The following CPT1C variants were observed in gnomAD, a reference collection of about 807,000 sequenced individuals.
The protein encoded by CPT1C is carnitine palmitoyltransferase 1C, also known as palmitoyl thioesterase CPT1C.
A neutral mutation model predicts 97.3 loss-of-function variants in CPT1C; 61 were observed. That is an observed-to-expected ratio of 0.63 (90% CI 0.51 to 0.78). CPT1C has a LOEUF of 0.78. Ranked by LOEUF, CPT1C falls within the 30% of genes least tolerant of loss-of-function variation. The pLI, the probability that CPT1C is intolerant of heterozygous loss-of-function variation, is 0.00. For missense variants in CPT1C, 975 were observed against 1,065.5 expected (o/e 0.92, Z 1.18); for synonymous variants, 469 against 447.2 (o/e 1.05, Z -0.61).
At chr19:49,690,957 G>A (rs1324339984), upstream of CPT1C, 2 of 154,646 alleles carry the variant, frequency 1.3e-5, no homozygotes, top group African/African-American at 2.4e-5. This position sits in a 1 kb window ranked among gnomAD's most constrained non-coding sequence, Gnocchi z 4.4. Context: ...CCGAACAGCT[G>A]CGTAGAATGC....
intron 19 of CPT1C, 143 bp from the exon 20 acceptor site, chr19:49,713,277 C>G: frequency 1.2e-6 from 1 of 831,330 alleles, no homozygotes; most frequent in Non-Finnish European, 1.9e-6. Context: ...AGGCCCCCAG[C>G]CCCTCCTCCC....
At chr19:49,710,688 G>C in intron 15 of CPT1C, 35 bp from the exon 16 acceptor site, 1 of 1,599,940 alleles carries the variant, frequency 6.3e-7, no homozygotes, top group Non-Finnish European at 8.6e-7. Context: ...CCTGAGCCCA[G>C]CTGACAGACT....
At position 49,710,748 on chromosome 19, in the gene CPT1C, A is replaced by G. The variant is rs551493070; in HGVS notation, c.1757A>G (p.Tyr586Cys). The change falls in exon 16 of 20, where the codon TAT becomes TGT. Residue 586 changes from tyrosine (Y) to cysteine (C), a missense_variant. By Grantham distance (194) the Tyr-to-Cys change is radical. Around this residue, in one of 3 missense-constraint regions of CPT1C, gnomAD observed 344 missense variants for 395.7 expected, o/e 0.87. Transcript: ENST00000598293. ...FRDRGQFCLT[Y>C]ESAMTRLFLE... ...GACAGGGGTCAATTCTGCCTGACTT[A>G]TGAGTCGGCCATGACTCGCTTATTC... 1.1e-5 allele frequency: 17 copies of G among 1,613,744 alleles called. No individual in the cohort carries two copies. In the African/African-American group the frequency reaches 1.2e-4, roughly 11 times the overall value.
intron 3 of CPT1C, among the ~76,000 whole-genome samples, chr19:49,695,627 C>A (rs1408782546): frequency 1.4e-5 from 2 of 142,494 alleles, no homozygotes; most frequent in African/African-American, 5.4e-5. Flanking sequence ...AGTCTGTTGC[C>A]AGGCTGGAGT....
At chr19:49,705,424 A>G in intron 10 of CPT1C, 126 bp downstream of exon 10, 2 of 779,790 alleles carry the variant, frequency 2.6e-6, no homozygotes, top group Non-Finnish European at 4.1e-6. Context: ...TCTGCACGTT[A>G]TTACCCTCTC....
chr19:49,706,435 G>A lies in CPT1C; in HGVS notation c.1343+22G>A. On this transcript the variant is annotated intron_variant, in intron 12 of 19. Coordinates refer to ENST00000598293, the MANE Select transcript of CPT1C (RefSeq NM_001199753.2). This position sits in a 1 kb window ranked among gnomAD's most constrained non-coding sequence, Gnocchi z 4.8. ...ATCGGTGAGTGAGTCTTGGGATGGG[G>A]CCCCCAGATGTGGCACCCGAGAATC... The A allele has an allele frequency of 6.9e-7, 1 of 1,441,780 alleles. No homozygotes were observed. The highest frequency in any genetic ancestry group is 9.0e-7 in the Non-Finnish European group (1 of 1,105,108). The allele number at this position is 1,441,780 out of a possible 1,614,324, so 89.3% of individuals were successfully genotyped here. A position where few individuals can be genotyped will look rare whatever the true frequency, so the allele number is the denominator to read the frequency against.
At chr19:49,694,143 T>G (rs1320263110) in intron 3 of CPT1C, among the ~76,000 whole-genome samples, 1 of 151,858 alleles carries the variant, frequency 6.6e-6, no homozygotes, top group Non-Finnish European at 1.5e-5. Context: ...AGAATCCTGC[T>G]TTTATAGAGT....
At chr19:49,701,760 A>C in intron 7 of CPT1C, 126 bp downstream of exon 7, 1 of 1,089,908 alleles carries the variant, frequency 9.2e-7, no homozygotes, top group Non-Finnish European at 1.3e-6. Flanking sequence ...CCAGCCCCCA[A>C]GGGTCAATAC....
intron 3 of CPT1C, among the ~76,000 whole-genome samples, chr19:49,694,872 G>A (rs1252341719): frequency 6.6e-6 from 1 of 152,108 alleles, no homozygotes; most frequent in Non-Finnish European, 1.5e-5. Flanking sequence ...CAGGCATGGT[G>A]GCTCACGCCT....
At position 49,710,613 on chromosome 19, in the gene CPT1C, C is replaced by T. The variant is rs754301523; in HGVS notation, c.1732-110C>T. On this transcript the variant is annotated intron_variant, in intron 15 of 19. Transcript: ENST00000598293. ...GGCCATCTTGAATTCTCTCTTCCAACCATTCTTGGGCTGGCTGGAGGAGGC... is the reference window on the plus strand; with the variant it reads ...GGCCATCTTGAATTCTCTCTTCCAATCATTCTTGGGCTGGCTGGAGGAGGC... 15 of 1,568,830 alleles carry T rather than the reference C, an allele frequency of 9.6e-6. No individual in the cohort carries two copies. In the African/African-American group the frequency reaches 1.6e-4, roughly 17 times the overall value.
chr19:49,704,418 C>T (rs1484113198), intron 7 of CPT1C, among the ~76,000 whole-genome samples: 3 of 152,182 alleles, frequency 2.0e-5, no homozygotes, highest in Admixed American at 6.6e-5. Flanking sequence ...GTGATCCACC[C>T]GCTTAGCCTC....
At chr19:49,702,643 A>AG (rs200611083) in intron 7 of CPT1C, among the ~76,000 whole-genome samples, 18,563 of 151,386 alleles carry the variant, frequency 0.12, 1,434 homozygotes, top group Non-Finnish European at 0.17. Flanking sequence ...GAAAAGAAAA[A>AG]AAAAAAGACA....
rs1989292785 is a variant in CPT1C, at chr19:49,692,384, A to T, written c.132A>T (p.Ser44=). The T allele has an allele frequency of 3.1e-6, 5 of 1,613,430 alleles. No individual in the cohort carries two copies. The African/African-American group carries it at 5.3e-5, about 17-fold the overall frequency. The part of the protein sequence containing the change: ...SGLRSWKRHL[S]RFWNDFLTGV... ...TGCGCTCCTGGAAAAGGCATCTCTCACGTTTCTGGGTGAGGAGCGGTGCTG... is the reference window on the plus strand; with the variant it reads ...TGCGCTCCTGGAAAAGGCATCTCTCTCGTTTCTGGGTGAGGAGCGGTGCTG... Residue 44 remains serine, a synonymous_variant, in exon 3 of 20, where the codon TCA becomes TCT. Coordinates refer to ENST00000598293, the MANE Select transcript of CPT1C (RefSeq NM_001199753.2).
rs12977028 is a variant in CPT1C, at chr19:49,705,685, C to T, written c.965-224C>T. ...TGAAGTGGAAGGATCACCTGAGCCC[C>T]GGAGGTTGAGGCTGCAGTGAGCTGA... On this transcript the variant is annotated intron_variant, in intron 10 of 19. Coordinates refer to ENST00000598293, the MANE Select transcript of CPT1C (RefSeq NM_001199753.2). Among the ~76,000 whole-genome samples the T allele has an allele frequency of 8.2e-4, 124 of 152,058 alleles. No homozygotes were observed. In the East Asian group the frequency reaches 0.017, roughly 21 times the overall value.
chr19:49,694,200 A>G (rs1028113121), intron 3 of CPT1C, among the ~76,000 whole-genome samples: 1 of 152,188 alleles, frequency 6.6e-6, no homozygotes, highest in African/African-American at 2.4e-5. Flanking sequence ...TGAGCAAAAC[A>G]GAAGGCAATA....
rs191643603 is a variant in CPT1C, at chr19:49,698,181, A to G, written c.281+716A>G. Among the ~76,000 whole-genome samples, 743 of 152,142 alleles carry G rather than the reference A, an allele frequency of 4.9e-3. 5 individuals carry two copies. The highest frequency in any genetic ancestry group is 0.017 in the African/African-American group (706 of 41,504). ...GGAGTTTGAGACCAACCTAAGCAAC[A>G]TGGTGAAACCCCGTCTCTACTAAAA... is the stretch of plus-strand genomic sequence containing the variant. On this transcript the variant is annotated intron_variant, in intron 4 of 19. Coordinates refer to ENST00000598293, the MANE Select transcript of CPT1C (RefSeq NM_001199753.2).
chr19:49,692,565 C>T (rs1489696897), intron 3 of CPT1C, among the ~76,000 whole-genome samples, 172 bp downstream of exon 3: 2 of 152,160 alleles, frequency 1.3e-5, no homozygotes, highest in Non-Finnish European at 2.9e-5. Flanking sequence ...CTCCGTGGCT[C>T]ACTTCTGGGA....
At chr19:49,696,954 T>C (rs1264114868) in intron 3 of CPT1C, among the ~76,000 whole-genome samples, 1 of 151,994 alleles carries the variant, frequency 6.6e-6, no homozygotes, top group Non-Finnish European at 1.5e-5. Context: ...CAAGGGATTC[T>C]CCTCCTTGAC....
intron 12 of CPT1C, among the ~76,000 whole-genome samples, chr19:49,707,002 T>C (rs1240556804): frequency 6.6e-6 from 1 of 152,074 alleles, no homozygotes; most frequent in Non-Finnish European, 1.5e-5. Flanking sequence ...AGACTGGGCA[T>C]GGTGGCTCAT....
Sources: gnomAD v4.1 joint callset for allele counts (sites outside exome capture counted in the v4.1 genomes callset) on GRCh38, gnomAD v4.1.1 for gene constraint, gnomAD v4.1.1 regional missense constraint, Gnocchi (gnomAD v3.1) non-coding constraint, MANE v1.5 for transcripts, NCBI Gene and HGNC (gene_info 2026-07-23, HGNC 2026-07-21) for gene names.